Variants in ASPH observed in about 807,000 individuals in gnomAD.
ASPH encodes aspartyl/asparaginyl beta-hydroxylase.
In ASPH, 100 loss-of-function variants were observed where a neutral mutation model predicts 118.4. The observed-to-expected ratio is 0.84, with a 90% CI of 0.72 to 1.00. ASPH has a LOEUF of 1.00. Ranked by LOEUF, ASPH falls within the 50% of genes least tolerant of loss-of-function variation. ASPH has a pLI of 0.00. For synonymous variants in ASPH, 315 were observed against 325.6 expected (o/e 0.97, Z 0.35); for missense variants, 920 against 919.5 (o/e 1.00, Z -0.01).
chr8:61,626,289 A>ATT, intron 13 of ASPH: 1 of 1,563,546 alleles, frequency 6.4e-7, no homozygotes, highest in Non-Finnish European at 8.6e-7. Flanking sequence ...ATCTGCAAAA[A>ATT]TAAGGGGAAA....
intron 14 of ASPH, among the ~76,000 whole-genome samples, chr8:61,613,857 A>G (rs915403718): frequency 6.6e-6 from 1 of 152,264 alleles, no homozygotes; most frequent in African/African-American, 2.4e-5. Flanking sequence ...ATATACAGTT[A>G]TAAGAATCAC....
chr8:61,648,638 G>A (rs930071186), intron 5 of ASPH, among the ~76,000 whole-genome samples: 16 of 152,108 alleles, frequency 1.1e-4, no homozygotes, highest in Non-Finnish European at 2.9e-5. Context: ...TTTCTGTAGC[G>A]AAACCAGTCT....
At chr8:61,624,758 A>G (rs1852123962) in intron 13 of ASPH, 1 of 985,812 alleles carries the variant, frequency 1.0e-6, no homozygotes, top group Non-Finnish European at 1.2e-6. Flanking sequence ...TTACTCATTC[A>G]TCAGTTCTAT....
At chr8:61,516,042 C>G (rs2129617972) in intron 24 of ASPH, among the ~76,000 whole-genome samples, 1 of 152,330 alleles carries the variant, frequency 6.6e-6, no homozygotes, top group African/African-American at 2.4e-5. Flanking sequence ...TTCTAAAAGA[C>G]TCTTTCACTT....
At chr8:61,631,191 CA>C (rs1261323160) in intron 13 of ASPH, among the ~76,000 whole-genome samples, 5 of 151,710 alleles carry the variant, frequency 3.3e-5, no homozygotes, top group African/African-American at 1.2e-4. Flanking sequence ...TACAGTAAAC[CA>C]AGGTTAATTA....
chr8:61,579,620 G>A, intron 15 of ASPH: 2 of 1,520,556 alleles, frequency 1.3e-6, no homozygotes, highest in Non-Finnish European at 1.8e-6. Context: ...AGAAGATCGA[G>A]ACATGTGATG....
chr8:61,505,058 C>A (rs1400290483), intron 24 of ASPH, among the ~76,000 whole-genome samples: 2 of 152,086 alleles, frequency 1.3e-5, no homozygotes, highest in Non-Finnish European at 2.9e-5. Flanking sequence ...GTGGGAAGGA[C>A]CCGATGAGAG....
At chr8:61,630,527 T>C (rs190181370) in intron 13 of ASPH, among the ~76,000 whole-genome samples, 1 of 152,302 alleles carries the variant, frequency 6.6e-6, no homozygotes. Flanking sequence ...CCATGTGTCA[T>C]GTAGCAATGT....
intron 18 of ASPH, 95 bp from the exon 19 acceptor site, chr8:61,556,117 G>T: frequency 9.9e-7 from 1 of 1,006,988 alleles, no homozygotes; most frequent in Non-Finnish European, 1.5e-6. Flanking sequence ...GTTTTAATTA[G>T]CTTTGTTGTA....
chr8:61,620,204 G>C (rs1850433934), intron 13 of ASPH, among the ~76,000 whole-genome samples: 1 of 152,166 alleles, frequency 6.6e-6, no homozygotes, highest in Non-Finnish European at 1.5e-5. Context: ...TAAGTGCTAA[G>C]CACATCATTT....
intron 13 of ASPH, 57 bp from the exon 14 acceptor site, chr8:61,619,076 A>C: frequency 9.4e-4 from 1,095 of 1,169,670 alleles, no homozygotes; most frequent in Non-Finnish European, 1.2e-3. Context: ...TCAGTATCTC[A>C]AAATATAGGA....
intron 21 of ASPH, among the ~76,000 whole-genome samples, chr8:61,542,405 T>G (rs1822283998): frequency 6.6e-6 from 1 of 152,184 alleles, no homozygotes; most frequent in Non-Finnish European, 1.5e-5. Flanking sequence ...TTCTTAGTGG[T>G]TGCCCTGGGC....
chr8:61,569,072 C>A (rs918636836), intron 16 of ASPH, among the ~76,000 whole-genome samples: 1 of 152,130 alleles, frequency 6.6e-6, no homozygotes, highest in African/African-American at 2.4e-5. Context: ...CCAGAATAGT[C>A]CATCTGTGCT....
chr8:61,504,784 C>G (rs1427683404), intron 24 of ASPH, among the ~76,000 whole-genome samples: 1 of 152,122 alleles, frequency 6.6e-6, no homozygotes, highest in Non-Finnish European at 1.5e-5. Flanking sequence ...AGGGTGGGAG[C>G]AGGAGCAAAA....
At chr8:61,657,038 G>C (rs988862116) in intron 3 of ASPH, 5 of 152,172 alleles carry the variant, frequency 3.3e-5, no homozygotes, top group Non-Finnish European at 5.9e-5. Flanking sequence ...TTCCGGGGGA[G>C]AGAGAAACTT....
At chr8:61,695,114 T>G (rs1189139399) in intron 1 of ASPH, among the ~76,000 whole-genome samples, 7 of 152,232 alleles carry the variant, frequency 4.6e-5, no homozygotes. Flanking sequence ...GCCATGACAT[T>G]AAAAAGTGAG....
chr8:61,555,399 T>C (rs1403732711), intron 19 of ASPH, among the ~76,000 whole-genome samples: 1 of 152,140 alleles, frequency 6.6e-6, no homozygotes, highest in Non-Finnish European at 1.5e-5. Flanking sequence ...GTTCAAGTGA[T>C]TCTCATGCTT....
intron 1 of ASPH, among the ~76,000 whole-genome samples, chr8:61,697,961 GA>G (rs112910762): frequency 7.1e-4 from 104 of 145,762 alleles, no homozygotes; most frequent in African/African-American, 1.2e-3. Context: ...CAGCTAATTA[GA>G]AAAAAAAAAA....
intron 1 of ASPH, among the ~76,000 whole-genome samples, chr8:61,701,357 C>T (rs183517900): frequency 1.3e-5 from 2 of 152,316 alleles, no homozygotes; most frequent in Admixed American, 1.3e-4. Context: ...TGTGCTCTTA[C>T]TCAATGTTAC....
Sources: allele counts gnomAD v4.1 joint callset (sites outside exome capture counted in the v4.1 genomes callset), GRCh38; gene constraint gnomAD v4.1.1; transcripts MANE v1.5; gene names NCBI Gene and HGNC (gene_info 2026-07-23, HGNC 2026-07-21).